Variants in RIMS2 observed in about 807,000 individuals in gnomAD.
RIMS2 encodes the protein regulating synaptic membrane exocytosis protein 2.
In RIMS2, 59 loss-of-function variants were observed where a neutral mutation model predicts 174.4. That is an observed-to-expected ratio of 0.34 (90% CI 0.27 to 0.42). The LOEUF is 0.42. Among genes scored for constraint, RIMS2 ranks in the 10% least tolerant of loss-of-function variants. RIMS2 has a pLI of 1.00. For synonymous variants in RIMS2, 606 were observed against 572.5 expected (o/e 1.06, Z -0.84); for missense variants, 1,620 against 1,666.3 (o/e 0.97, Z 0.48).
intron 2 of RIMS2, among the ~76,000 whole-genome samples, chr8:103,702,096 T>G (rs1160751903): frequency 1.3e-5 from 2 of 152,122 alleles, no homozygotes; most frequent in African/African-American, 4.8e-5. Flanking sequence ...CTTGTTAACA[T>G]TTGTTATTTT....
At chr8:103,836,230 T>C (rs551869469) in intron 3 of RIMS2, among the ~76,000 whole-genome samples, 7 of 152,328 alleles carry the variant, frequency 4.6e-5, no homozygotes, top group Admixed American at 4.6e-4. Flanking sequence ...AATTTTATGA[T>C]AATTATTTAT....
chr8:103,596,324 A>C (rs2094476344), intron 1 of RIMS2, among the ~76,000 whole-genome samples: 1 of 152,120 alleles, frequency 6.6e-6, no homozygotes, highest in Non-Finnish European at 1.5e-5. Flanking sequence ...CAATTAATTT[A>C]AGTGATCACC....
In RIMS2 at chr8:103,694,563, C is replaced by T. The variant is rs574622708; in HGVS notation, c.177-2523C>T. 1.6e-4 allele frequency among the ~76,000 whole-genome samples: 24 copies of T among 152,122 alleles called. No individual in the cohort carries two copies. In the South Asian group the frequency reaches 4.4e-3, roughly 28 times the overall value. ...AATATGCCTGGAGGTTCCATATAGA[C>T]CTTGTCTACTGGGCAGGCCTGGAAC... On this transcript the variant is annotated intron_variant, in intron 1 of 23. Transcript: ENST00000504942.
intron 1 of RIMS2, among the ~76,000 whole-genome samples, chr8:103,503,112 A>G (rs1412295573): frequency 2.0e-5 from 3 of 152,000 alleles, no homozygotes; most frequent in Non-Finnish European, 4.4e-5. Flanking sequence ...TACATTGATG[A>G]AAAATATATA....
intron 2 of RIMS2, among the ~76,000 whole-genome samples, chr8:103,700,383 C>T (rs773713424): frequency 1.3e-5 from 2 of 151,738 alleles, no homozygotes; most frequent in African/African-American, 2.4e-5. Context: ...TGTATATAGA[C>T]CAAGTACTCT....
chr8:103,865,287 T>TC (rs895815654), intron 3 of RIMS2, among the ~76,000 whole-genome samples: 7 of 144,356 alleles, frequency 4.8e-5, no homozygotes, highest in Non-Finnish European at 9.2e-5. Context: ...TTTTTTTCTT[T>TC]TTTTTTTTTT....
chr8:104,197,974 A>AT (rs951318582), intron 19 of RIMS2, among the ~76,000 whole-genome samples: 3 of 151,764 alleles, frequency 2.0e-5, no homozygotes, highest in African/African-American at 4.8e-5. Flanking sequence ...AATAATAATA[A>AT]AATAAAAATT....
At chr8:104,114,556 T>C (rs1599210249) in intron 19 of RIMS2, among the ~76,000 whole-genome samples, 1 of 152,108 alleles carries the variant, frequency 6.6e-6, no homozygotes, top group East Asian at 1.9e-4. Context: ...TAAAGCATTT[T>C]ATTAATCTTT....
chr8:103,548,071 C>T (rs1295035758), intron 1 of RIMS2, among the ~76,000 whole-genome samples: 1 of 152,098 alleles, frequency 6.6e-6, no homozygotes, highest in African/African-American at 2.4e-5. Context: ...CAGTTGGATT[C>T]TATCAGATTT....
rs575601463 is a variant in RIMS2 at position 103,538,369 on chromosome 8, G to T, written c.176+37307G>T. 6.6e-5 allele frequency among the ~76,000 whole-genome samples: 10 copies of T among 151,948 alleles called. No individual in the cohort carries two copies. The South Asian group carries it at 1.9e-3, about 28-fold the overall frequency. ...TTCCGTAAGTTATTGGGATACAGGC[G>T]GTATTTGGTTACATGAGTAAGTTCT... On this transcript the variant is annotated intron_variant, in intron 1 of 23. Transcript: ENST00000504942.
intron 12 of RIMS2, among the ~76,000 whole-genome samples, chr8:103,931,976 AT>A (rs1352532917): frequency 3.3e-5 from 5 of 150,742 alleles, no homozygotes; most frequent in Admixed American, 6.6e-5. Context: ...TTCTACCCTT[AT>A]TTTTTTTTCT....
intron 3 of RIMS2, among the ~76,000 whole-genome samples, chr8:103,861,298 A>G (rs2099057660): frequency 6.6e-6 from 1 of 152,146 alleles, no homozygotes; most frequent in African/African-American, 2.4e-5. Flanking sequence ...TGCTGTTGCA[A>G]AGGACATGAT....
intron 19 of RIMS2, among the ~76,000 whole-genome samples, chr8:104,038,482 T>A (rs2096555712): frequency 6.6e-6 from 1 of 151,888 alleles, no homozygotes; most frequent in African/African-American, 2.4e-5. Flanking sequence ...GTCTGGTAAC[T>A]GGTTATTGGA....
chr8:103,587,357 AAGTCC>A (rs1366360032), intron 1 of RIMS2, among the ~76,000 whole-genome samples: 1 of 151,628 alleles, frequency 6.6e-6, no homozygotes, highest in Non-Finnish European at 1.5e-5. Flanking sequence ...CTCATTTTAC[AAGTCC>A]AGTATTACCC....
intron 19 of RIMS2, among the ~76,000 whole-genome samples, chr8:104,072,942 T>C (rs1489724747): frequency 6.6e-6 from 1 of 151,780 alleles, no homozygotes; most frequent in Non-Finnish European, 1.5e-5. Flanking sequence ...TCTCAGGGAG[T>C]TTCCCTCAAA....
chr8:103,540,983 CA>C (rs869287623), intron 1 of RIMS2, among the ~76,000 whole-genome samples: 3 of 119,014 alleles, frequency 2.5e-5, no homozygotes, highest in African/African-American at 7.7e-5. Flanking sequence ...AAAAAAGAAA[CA>C]AAAAAGAACA....
intron 1 of RIMS2, among the ~76,000 whole-genome samples, chr8:103,663,780 C>T (rs1300375811): frequency 6.6e-6 from 1 of 152,156 alleles, no homozygotes; most frequent in Non-Finnish European, 1.5e-5. Context: ...TGGAAAAAAA[C>T]TACTTTAAAG....
At chr8:104,010,348 T>G (rs1296356048) in intron 17 of RIMS2, among the ~76,000 whole-genome samples, 2 of 152,168 alleles carry the variant, frequency 1.3e-5, no homozygotes, top group African/African-American at 4.8e-5. Context: ...CTGAACACTT[T>G]CAGTTTTAGT....
rs577413121 is a variant in RIMS2, at chr8:104,131,457, T to C, written c.3335-113459T>C. On this transcript the variant is annotated intron_variant, in intron 19 of 23. Coordinates refer to ENST00000504942, the Ensembl canonical transcript of RIMS2. ...GAAAATATATATGAATGCATGCATGTGTTAATTAATACATTATTTAAAATA... is the reference window on the plus strand; with the variant it reads ...GAAAATATATATGAATGCATGCATGCGTTAATTAATACATTATTTAAAATA... Among the ~76,000 whole-genome samples the C allele has an allele frequency of 2.6e-5, 4 of 152,260 alleles. No individual in the cohort carries two copies. The South Asian group carries it at 8.3e-4, about 32-fold the overall frequency.
Sources: allele counts gnomAD v4.1 joint callset (sites outside exome capture counted in the v4.1 genomes callset), GRCh38; gene constraint gnomAD v4.1.1; transcripts MANE v1.5; gene names NCBI Gene and HGNC (gene_info 2026-07-23, HGNC 2026-07-21).